Variants in NR5A2 observed in about 807,000 individuals in gnomAD.
NR5A2 encodes the protein CYP7A promoter-binding factor.
Under a neutral mutation model 62.7 loss-of-function variants are expected in NR5A2, and 26 were observed. The observed-to-expected ratio is 0.41, with a 90% confidence interval of 0.30 to 0.58. The LOEUF is 0.58. Ranked by LOEUF, NR5A2 falls within the 20% of genes least tolerant of loss-of-function variation. NR5A2 has a pLI of 0.22. For missense variants in NR5A2, 541 were observed against 669.1 expected (o/e 0.81, Z 2.11); for synonymous variants, 246 against 241.7 (o/e 1.02, Z -0.16).
At chr1:200,106,743 C>T (rs1665688845) in intron 5 of NR5A2, among the ~76,000 whole-genome samples, 1 of 152,044 alleles carries the variant, frequency 6.6e-6, no homozygotes, top group Admixed American at 6.6e-5. Flanking sequence ...CTACCCACAC[C>T]CCCATAACTC....
rs1284655232 is a variant in NR5A2 at position 200,039,036 on chromosome 1, A to C, written c.65-622A>C. 3.5e-5 allele frequency among the ~76,000 whole-genome samples: 5 copies of C among 141,752 alleles called. No homozygotes were observed. Among genetic ancestry groups the C allele is most frequent in the East Asian group, 2.0e-4 (1 of 4,904 alleles). The allele number at this position is 141,752 out of a possible 152,430, so 93.0% of individuals were successfully genotyped here. A position where few individuals can be genotyped will look rare whatever the true frequency, so the allele number is the denominator to read the frequency against. On this transcript the variant is annotated intron_variant, in intron 1 of 7. Transcript: ENST00000367362. The surrounding 1 kb of genome is among the most constrained non-coding windows in gnomAD (Gnocchi z 5.1). ...CCCCCCTGTCCTTCCCAGCACCGTCACCCTCGGGGCTGGGAAGGGCCGTTC... is the reference window on the plus strand; with the variant it reads ...CCCCCCTGTCCTTCCCAGCACCGTCCCCCTCGGGGCTGGGAAGGGCCGTTC...
chr1:200,036,691 C>T (rs985989542), intron 1 of NR5A2, among the ~76,000 whole-genome samples: 23 of 152,292 alleles, frequency 1.5e-4, no homozygotes, highest in African/African-American at 4.6e-4. Flanking sequence ...TGAAATAGGG[C>T]TGCCCCCAGG....
intron 5 of NR5A2, among the ~76,000 whole-genome samples, chr1:200,050,774 C>T (rs1167212734): frequency 2.0e-5 from 3 of 152,328 alleles, no homozygotes; most frequent in East Asian, 3.9e-4. Context: ...TGCCTGTAAT[C>T]CCAGCTTCTA....
intron 7 of NR5A2, among the ~76,000 whole-genome samples, chr1:200,133,546 T>C (rs546649899): frequency 0.11 from 6,766 of 59,728 alleles, 215 homozygotes; most frequent in South Asian, 0.15. Flanking sequence ...TATATATATA[T>C]ACACATATAT....
At chr1:200,057,622 G>A (rs1221998400) in intron 5 of NR5A2, 1 of 366,492 alleles carries the variant, frequency 2.7e-6, no homozygotes, top group Non-Finnish European at 5.4e-6. Context: ...GGGATTACAG[G>A]CGTGCACCAC....
intron 7 of NR5A2, among the ~76,000 whole-genome samples, chr1:200,124,856 C>T (rs115255498): frequency 2.1e-4 from 32 of 152,222 alleles, no homozygotes; most frequent in South Asian, 1.2e-3. Flanking sequence ...CAGCCAAGAT[C>T]GTACTACTTC....
intron 5 of NR5A2, among the ~76,000 whole-genome samples, chr1:200,108,597 G>A (rs1220206680): frequency 1.3e-5 from 2 of 152,156 alleles, no homozygotes; most frequent in East Asian, 1.9e-4. Flanking sequence ...TAACATGTAT[G>A]GTAATTGTTT....
chr1:200,067,390 CT>C (rs1220900440), intron 5 of NR5A2, among the ~76,000 whole-genome samples: 1 of 152,206 alleles, frequency 6.6e-6, no homozygotes, highest in Non-Finnish European at 1.5e-5. Context: ...AACCCCGTCT[CT>C]ACTAAAAATA....
chr1:200,174,383 C>A lies in NR5A2; in HGVS notation c.*173C>A. ...GGCATAATAATCAAATACTTAATAG[C>A]AAATAAATGATGTATCAGGGTATTT... On this transcript the variant is annotated 3_prime_UTR_variant, in exon 8 of 8. Coordinates refer to ENST00000367362, the MANE Select transcript of NR5A2 (RefSeq NM_205860.3). 1 of 567,908 alleles carries A rather than the reference C, an allele frequency of 1.8e-6. No individual in the cohort carries two copies. The highest frequency in any genetic ancestry group is 2.7e-6 in the Non-Finnish European group (1 of 368,616). The allele number at this position is 567,908 out of a possible 1,614,324, so 35.2% of individuals were successfully genotyped here.
At chr1:200,169,744 C>T (rs1221036813) in intron 7 of NR5A2, among the ~76,000 whole-genome samples, 2 of 152,176 alleles carry the variant, frequency 1.3e-5, no homozygotes, top group Admixed American at 6.5e-5. Flanking sequence ...AATTTAAAGG[C>T]TATAGAGAAA....
At chr1:200,107,178 CAA>C (rs1665718769) in intron 5 of NR5A2, among the ~76,000 whole-genome samples, 1 of 2,584 alleles carries the variant, frequency 3.9e-4, no homozygotes, top group African/African-American at 4.5e-3. Flanking sequence ...ATTAATTCTA[CAA>C]ACAAACAATG....
chr1:200,141,252 G>A (rs556933241), intron 7 of NR5A2, among the ~76,000 whole-genome samples: 4 of 152,120 alleles, frequency 2.6e-5, no homozygotes, highest in African/African-American at 9.6e-5. Context: ...TTTCCTTTGC[G>A]CTAGCCCTTT....
chr1:200,118,199 C>T (rs1394655347), intron 6 of NR5A2, among the ~76,000 whole-genome samples: 1 of 133,132 alleles, frequency 7.5e-6, no homozygotes. Flanking sequence ...GTATTTTTAG[C>T]ACAGATGGGG....
In NR5A2 at chr1:200,147,308, C is replaced by CT. The variant is rs1667749460; in HGVS notation, c.1378+26354dup. 6.6e-6 allele frequency among the ~76,000 whole-genome samples: 1 copy of CT among 152,206 alleles called. No individual in the cohort carries two copies. Among genetic ancestry groups the CT allele is most frequent in the African/African-American group, 2.4e-5 (1 of 41,464 alleles). ...CTGCATCTGCTGTGCCAGGCGCCTA[C>CT]TGTGCGCTCCTCTCCTCATCCAGCA... On this transcript the variant is annotated intron_variant, in intron 7 of 7. Coordinates refer to ENST00000367362, the MANE Select transcript of NR5A2 (RefSeq NM_205860.3). This position sits in a 1 kb window ranked among gnomAD's most constrained non-coding sequence, Gnocchi z 4.9.
At chr1:200,056,489 C>T (rs1490058608) in intron 5 of NR5A2, among the ~76,000 whole-genome samples, 1 of 152,206 alleles carries the variant, frequency 6.6e-6, no homozygotes, top group Non-Finnish European at 1.5e-5. Flanking sequence ...TTGTAATAAA[C>T]TCCTCTCCCC....
chr1:200,036,483 A>G (rs79807212), intron 1 of NR5A2, among the ~76,000 whole-genome samples: 2,462 of 152,264 alleles, frequency 0.016, 35 homozygotes, highest in Middle Eastern at 0.037. Context: ...GGCAGTAATG[A>G]GCTTGACGCT....
chr1:200,113,216 C>T (rs1345748530), intron 6 of NR5A2, among the ~76,000 whole-genome samples: 2 of 151,850 alleles, frequency 1.3e-5, no homozygotes, highest in Non-Finnish European at 2.9e-5. Flanking sequence ...TGGATTCTTC[C>T]AGCTCCCCTC....
intron 6 of NR5A2, among the ~76,000 whole-genome samples, chr1:200,112,552 T>A (rs1666003564): frequency 6.6e-6 from 1 of 152,232 alleles, no homozygotes; most frequent in Admixed American, 6.5e-5. Flanking sequence ...ATTTGCTGTA[T>A]TATTAATAAA....
intron 5 of NR5A2, among the ~76,000 whole-genome samples, chr1:200,059,759 TAAAG>T (rs1663106585): frequency 1.3e-5 from 2 of 152,146 alleles, no homozygotes; most frequent in South Asian, 2.1e-4. Flanking sequence ...CCAGGATAAA[TAAAG>T]AATGATTTTG....
Sources: gnomAD v4.1 joint callset for allele counts (sites outside exome capture counted in the v4.1 genomes callset) on GRCh38, gnomAD v4.1.1 for gene constraint, Gnocchi (gnomAD v3.1) non-coding constraint, MANE v1.5 for transcripts, NCBI Gene and HGNC (gene_info 2026-07-23, HGNC 2026-07-21) for gene names.